Variants in PTPRR observed in about 807,000 individuals in gnomAD.
PTPRR encodes the protein receptor-type tyrosine-protein phosphatase R.
PTPRR carries 38 observed loss-of-function variants against 77.2 expected under a neutral mutation model. That is an observed-to-expected ratio of 0.49 (90% CI 0.38 to 0.65). The LOEUF (loss-of-function observed/expected upper bound fraction) is 0.65. PTPRR is among the 30% of genes least tolerant of loss of function. PTPRR has a pLI of 0.00. For synonymous variants in PTPRR, 299 were observed against 283.1 expected, an observed-to-expected ratio of 1.06 and a Z score of -0.57; for missense variants, 744 against 799.2, an observed-to-expected ratio of 0.93 and a Z score of 0.83.
chr12:70,767,967 G>A (rs552886514), intron 2 of PTPRR, among the ~76,000 whole-genome samples: 6 of 152,042 alleles, frequency 3.9e-5, no homozygotes, highest in Admixed American at 6.5e-5. Flanking sequence ...TGAAACCAAT[G>A]AGAACAAAGA....
intron 2 of PTPRR, among the ~76,000 whole-genome samples, chr12:70,784,642 C>A (rs1389198249): frequency 6.6e-6 from 1 of 152,196 alleles, no homozygotes; most frequent in Non-Finnish European, 1.5e-5. Context: ...GCCGCCGCTG[C>A]CATCACTATT....
intron 1 of PTPRR, among the ~76,000 whole-genome samples, chr12:70,918,458 G>A (rs953362165): frequency 6.6e-6 from 1 of 152,108 alleles, no homozygotes; most frequent in African/African-American, 2.4e-5. Flanking sequence ...AAATTAAAAA[G>A]TTGAAGTAGA....
At position 70,660,956 on chromosome 12, in the gene PTPRR, C is replaced by T. The variant is rs756537179; in HGVS notation, c.1750G>A (p.Val584Met). 1.2e-6 allele frequency: 2 copies of T among 1,613,312 alleles called. No individual in the cohort carries two copies. Among genetic ancestry groups the T allele is most frequent in the South Asian group, 1.1e-5 (1 of 90,914 alleles). Residue 584 changes from valine (V) to methionine (M), a missense_variant, in exon 12 of 14, where the codon GTG becomes ATG. Val to Met is a conservative substitution (Grantham distance 21). Around this residue, in one of 3 missense-constraint regions of PTPRR, gnomAD observed 170 missense variants for 209.8 expected, o/e 0.81. Coordinates refer to ENST00000283228, the MANE Select transcript of PTPRR (RefSeq NM_002849.4). ...ACGTCTTACCTGCAGTGGACAACCACAGGCCCTCGGCCCTGGGAAGCAAGT... is the reference window on the plus strand; with the variant it reads ...ACGTCTTACCTGCAGTGGACAACCATAGGCCCTCGGCCCTGGGAAGCAAGT... Reference protein sequence around the residue: ...DRLASQGRGPVVVHCSAGIGR... With the variant: ...DRLASQGRGPMVVHCSAGIGR...
chr12:70,889,956 G>A (rs1308209247), intron 2 of PTPRR, among the ~76,000 whole-genome samples: 2 of 152,050 alleles, frequency 1.3e-5, no homozygotes, highest in Admixed American at 6.6e-5. Context: ...TTCTGTCCAG[G>A]CTAGAACATT....
intron 2 of PTPRR, among the ~76,000 whole-genome samples, chr12:70,869,598 C>T (rs73332175): frequency 0.15 from 22,861 of 152,030 alleles, 2,517 homozygotes; most frequent in African/African-American, 0.31. Flanking sequence ...AACTATCTTG[C>T]CATGGGAGAT....
At chr12:70,744,910 A>C (rs921561027) in intron 6 of PTPRR, among the ~76,000 whole-genome samples, 1 of 152,178 alleles carries the variant, frequency 6.6e-6, no homozygotes, top group Non-Finnish European at 1.5e-5. Flanking sequence ...GCTTTACTTA[A>C]TATTTTTGAG....
intron 13 of PTPRR, among the ~76,000 whole-genome samples, chr12:70,642,133 G>A (rs1886026537): frequency 6.6e-6 from 1 of 151,944 alleles, no homozygotes; most frequent in Non-Finnish European, 1.5e-5. Context: ...TGTGTTTGCA[G>A]GTGCATCAGG....
At chr12:70,814,627 G>C (rs547075616) in intron 2 of PTPRR, among the ~76,000 whole-genome samples, 69 of 152,230 alleles carry the variant, frequency 4.5e-4, no homozygotes, top group African/African-American at 1.7e-3. Context: ...GGAGTAGAGG[G>C]GGCCGGCCCG....
At chr12:70,697,217 C>T (rs528228320) in intron 8 of PTPRR, among the ~76,000 whole-genome samples, 1 of 152,306 alleles carries the variant, frequency 6.6e-6, no homozygotes, top group Non-Finnish European at 1.5e-5. Context: ...CAATTCTCTA[C>T]ATCCTTGCCA....
intron 6 of PTPRR, among the ~76,000 whole-genome samples, chr12:70,738,589 A>G (rs1440613240): frequency 1.3e-5 from 2 of 152,268 alleles, no homozygotes; most frequent in African/African-American, 4.8e-5. Flanking sequence ...TTAGCCGTAC[A>G]GTAGCCCAAA....
intron 13 of PTPRR, among the ~76,000 whole-genome samples, chr12:70,655,852 T>C (rs908990826): frequency 6.6e-6 from 1 of 152,208 alleles, no homozygotes. Context: ...ATTGTCCACT[T>C]ACAAATGGTT....
At chr12:70,696,222 AG>A (rs1467397963) in intron 8 of PTPRR, among the ~76,000 whole-genome samples, 1 of 151,056 alleles carries the variant, frequency 6.6e-6, no homozygotes, top group Non-Finnish European at 1.5e-5. Flanking sequence ...TTAATTACTC[AG>A]TCCTCTCTGA....
At chr12:70,826,197 T>C (rs949947091) in intron 2 of PTPRR, among the ~76,000 whole-genome samples, 3 of 152,132 alleles carry the variant, frequency 2.0e-5, no homozygotes, top group Admixed American at 2.0e-4. Context: ...TCCTAGATTA[T>C]TACTGAGAAG....
intron 2 of PTPRR, among the ~76,000 whole-genome samples, chr12:70,788,249 CACTG>C (rs1255994686): frequency 1.3e-5 from 2 of 152,220 alleles, no homozygotes; most frequent in Non-Finnish European, 2.9e-5. Flanking sequence ...TGTCTCATAG[CACTG>C]ACTTTCACTC....
chr12:70,803,269 C>T (rs1229004687), intron 2 of PTPRR, among the ~76,000 whole-genome samples: 1 of 152,066 alleles, frequency 6.6e-6, no homozygotes, highest in Non-Finnish European at 1.5e-5. Context: ...TTCTTTAAAA[C>T]CTTCTCCTGG....
At chr12:70,865,292 ATCTT>A (rs1892824033) in intron 2 of PTPRR, among the ~76,000 whole-genome samples, 1 of 97,284 alleles carries the variant, frequency 1.0e-5, no homozygotes, top group South Asian at 2.9e-4. Flanking sequence ...TCTCAGGTGT[ATCTT>A]TATCAGCAGC....
intron 13 of PTPRR, among the ~76,000 whole-genome samples, chr12:70,646,251 C>T (rs1886194403): frequency 6.6e-6 from 1 of 152,120 alleles, no homozygotes; most frequent in South Asian, 2.1e-4. Context: ...TAAGGTGTGT[C>T]TGGCCCCTTG....
At chr12:70,817,360 G>A (rs1206880183) in intron 2 of PTPRR, among the ~76,000 whole-genome samples, 3 of 152,094 alleles carry the variant, frequency 2.0e-5, no homozygotes, top group Non-Finnish European at 2.9e-5. Context: ...TGTATATTAA[G>A]TAATAGTATT....
Position 70,761,515 on chromosome 12 carries a change from G to T in PTPRR, c.583C>A (p.His195Asn). The T allele has an allele frequency of 6.2e-7, 1 of 1,610,634 alleles. No homozygotes were observed. Among genetic ancestry groups the T allele is most frequent in the South Asian group, 1.1e-5 (1 of 90,238 alleles). ...VLRSLNINVL[H>N]QSLSQFGITE... ...ATTCCAAACTGGGATAAACTTTGATGCAAAACATTGATATTAAGTGAACGA... is the reference window on the plus strand; with the variant it reads ...ATTCCAAACTGGGATAAACTTTGATTCAAAACATTGATATTAAGTGAACGA... The change falls in exon 4 of 14, where the codon CAT becomes AAT. Residue 195 changes from histidine (H) to asparagine (N), a missense_variant. Around this residue, in one of 3 missense-constraint regions of PTPRR, gnomAD observed 570 missense variants for 573.2 expected, o/e 0.99. Coordinates refer to ENST00000283228, the MANE Select transcript of PTPRR (RefSeq NM_002849.4).
Sources: gnomAD v4.1 joint callset for allele counts (sites outside exome capture counted in the v4.1 genomes callset) on GRCh38, gnomAD v4.1.1 for gene constraint, gnomAD v4.1.1 regional missense constraint, MANE v1.5 for transcripts, NCBI Gene and HGNC (gene_info 2026-07-23, HGNC 2026-07-21) for gene names.